DCTN2: variants seen among roughly 807,000 people sequenced by gnomAD.
DCTN2 encodes 50 kDa dynein-associated polypeptide.
In DCTN2, 18 loss-of-function variants were observed where a neutral mutation model predicts 55.4. The observed-to-expected ratio is 0.32, with a 90% CI of 0.22 to 0.48. The LOEUF (loss-of-function observed/expected upper bound fraction) is 0.48, where lower values mean the gene tolerates loss of function less well. DCTN2 is among the 20% of genes least tolerant of loss of function. The pLI, the probability that DCTN2 is intolerant of heterozygous loss-of-function variation, is 0.99. For missense variants in DCTN2, 390 were observed against 491.0 expected, an observed-to-expected ratio of 0.79 and a Z score of 1.94; for synonymous variants, 168 against 185.2, an observed-to-expected ratio of 0.91 and a Z score of 0.76.
At position 57,540,290 on chromosome 12, in the gene DCTN2, T is replaced by A. The variant is rs554021251; in HGVS notation, c.106-4445A>T. ...GGGCCATAAGCTCAATTTCAAACCA[T>A]GCGGATTGGGCAGAATAGGGAGGAC... On this transcript the variant is annotated intron_variant, in intron 2 of 13. Transcript: ENST00000548249. Among the ~76,000 whole-genome samples the A allele has an allele frequency of 2.0e-5, 3 of 152,202 alleles. No individual in the cohort carries two copies. In the East Asian group the frequency reaches 5.8e-4, roughly 29 times the overall value.
intron 11 of DCTN2, 87 bp downstream of exon 11, chr12:57,532,485 G>C: frequency 6.9e-7 from 1 of 1,454,642 alleles, no homozygotes; most frequent in Non-Finnish European, 9.7e-7. Context: ...ATGGGGACCT[G>C]AGGAGTCAGT....
intron 2 of DCTN2, chr12:57,540,171 A>G: frequency 1.0e-6 from 1 of 965,892 alleles, no homozygotes; most frequent in Non-Finnish European, 1.2e-6. Flanking sequence ...ACATGCAAAC[A>G]CAAAGGAGAA....
intron 2 of DCTN2, chr12:57,540,029 G>A (rs967157636): frequency 1.1e-6 from 1 of 941,192 alleles, no homozygotes; most frequent in East Asian, 1.2e-4. Flanking sequence ...TCCAGCCTGG[G>A]TGACAGAGTG....
intron 2 of DCTN2, chr12:57,538,446 C>A (rs185610271): frequency 5.4e-6 from 4 of 738,128 alleles, no homozygotes; most frequent in Admixed American, 1.8e-5. Flanking sequence ...TTAGTAGAGT[C>A]TAAAGGACAG....
intron 2 of DCTN2, among the ~76,000 whole-genome samples, chr12:57,545,325 T>C (rs901790239): frequency 4.6e-5 from 7 of 152,216 alleles, no homozygotes; most frequent in African/African-American, 1.7e-4. Flanking sequence ...GTTTCCTATA[T>C]GTATCCTAAT....
intron 7 of DCTN2, 94 bp downstream of exon 7, chr12:57,533,859 G>A (rs1879978836): frequency 1.5e-6 from 2 of 1,333,636 alleles, no homozygotes; most frequent in East Asian, 2.5e-5. Flanking sequence ...GGAATCAGAA[G>A]CCTTCCCAGC....
intron 2 of DCTN2, among the ~76,000 whole-genome samples, chr12:57,542,520 C>T (rs1231947057): frequency 6.6e-6 from 1 of 152,086 alleles, no homozygotes; most frequent in Non-Finnish European, 1.5e-5. Context: ...TTCCTTTAGA[C>T]AGAAATCTGG....
At position 57,534,369 on chromosome 12, in the gene DCTN2, C is replaced by A. The variant is rs758538075; in HGVS notation, c.447G>T (p.Leu149=). ...AKQLAALKQQ[L]VASHLEKLLG... is the part of the protein sequence containing the mutation. ...GCAGCTTCTCCAGGTGGGAAGCAAC[C>A]AGCTGCTGCTTCAGGGCTGCCAGCT... The change falls in exon 6 of 14, where the codon CTG becomes CTT. Residue 149 remains leucine (L), a synonymous_variant. Transcript: ENST00000548249. 7 of 1,612,904 alleles carry A rather than the reference C, an allele frequency of 4.3e-6. No individual in the cohort carries two copies. In the South Asian group the frequency reaches 7.7e-5, roughly 18 times the overall value.
In DCTN2 at chr12:57,530,402, C is replaced by T. The variant is rs1879549394; in HGVS notation, c.*287G>A. The T allele has an allele frequency of 2.8e-6, 1 of 355,938 alleles. No homozygotes were observed. Among genetic ancestry groups the T allele is most frequent in the South Asian group, 5.8e-5 (1 of 17,272 alleles). The allele number at this position is 355,938 out of a possible 1,614,324, so 22.0% of individuals were successfully genotyped here. A position where few individuals can be genotyped will look rare whatever the true frequency, so the allele number is the denominator to read the frequency against. Reference sequence around the variant, plus strand: ...GTTGGGGGACAAGACCCAATCCTTCCCCACACCAGGCAAAGCAGTATTGGA... The same window carrying T: ...GTTGGGGGACAAGACCCAATCCTTCTCCACACCAGGCAAAGCAGTATTGGA... On this transcript the variant is annotated 3_prime_UTR_variant, in exon 14 of 14. Transcript: ENST00000548249.
chr12:57,535,330 C>T, intron 4 of DCTN2, 154 bp downstream of exon 4: 2 of 1,093,252 alleles, frequency 1.8e-6, no homozygotes, highest in Non-Finnish European at 2.7e-6. Flanking sequence ...GAACAAACAG[C>T]AGTAGGGCAG....
Position 57,530,695 on chromosome 12 carries a change from T to C in DCTN2, c.1200A>G (p.Gly400=). ...ASIDERMKKL[G]K ...CTCCAGCTCCCAAATGTGCTCACTTTCCCAGCTTCTTCATCCGTTCATCAA... is the reference window on the plus strand; with the variant it reads ...CTCCAGCTCCCAAATGTGCTCACTTCCCCAGCTTCTTCATCCGTTCATCAA... Residue 400 remains glycine (G), a synonymous_variant, in exon 14 of 14, where the codon GGA becomes GGG. Transcript: ENST00000548249. 6.2e-7 allele frequency: 1 copy of C among 1,613,812 alleles called. No individual in the cohort carries two copies. Among genetic ancestry groups the C allele is most frequent in the Non-Finnish European group, 8.5e-7 (1 of 1,179,746 alleles).
chr12:57,545,938 T>C, intron 2 of DCTN2, 90 bp downstream of exon 2: 1 of 1,398,500 alleles, frequency 7.2e-7, no homozygotes, highest in Non-Finnish European at 1.0e-6. Flanking sequence ...CATACCCGCT[T>C]ATTGCTGTAG....
intron 2 of DCTN2, among the ~76,000 whole-genome samples, chr12:57,541,058 C>G (rs1369067876): frequency 6.6e-6 from 1 of 152,194 alleles, no homozygotes; most frequent in Admixed American, 6.5e-5. Context: ...TGCCTTCTAA[C>G]TCCAGCCCCT....
intron 2 of DCTN2, among the ~76,000 whole-genome samples, chr12:57,537,824 C>T (rs1353763819): frequency 6.6e-6 from 1 of 152,160 alleles, no homozygotes; most frequent in Non-Finnish European, 1.5e-5. Context: ...ACGGCCAGAA[C>T]ACCCACCCAT....
intron 6 of DCTN2, 80 bp downstream of exon 6, chr12:57,534,212 T>C (rs1213305516): frequency 5.9e-6 from 9 of 1,523,518 alleles, no homozygotes; most frequent in Admixed American, 2.1e-5. Context: ...TCTCTGCCAC[T>C]TAGCACCCCT....
At chr12:57,538,601 A>G (rs1880443122) in intron 2 of DCTN2, 9 of 706,634 alleles carry the variant, frequency 1.3e-5, no homozygotes, top group Admixed American at 2.0e-5. Flanking sequence ...TGAGGGAGGG[A>G]AAAAAAAGAC....
rs1880337317 is a variant in DCTN2, at chr12:57,537,438, C to T, written c.106-1593G>A. ...ATTATTCTGGGGTAGGGCCAGATAT[C>T]CAGGTGATTCTAACCTACAGCCAGG... On this transcript the variant is annotated intron_variant, in intron 2 of 13. Coordinates refer to ENST00000548249, the MANE Select transcript of DCTN2 (RefSeq NM_001261413.2). 2.0e-5 allele frequency among the ~76,000 whole-genome samples: 3 copies of T among 150,684 alleles called. No individual in the cohort carries two copies. The South Asian group carries it at 6.3e-4, about 32-fold the overall frequency.
Position 57,534,097 on chromosome 12 carries a change from C to A in DCTN2, c.525G>T (p.Lys175Asn). ...NLTDPDGALA[K>N]RLLLQLEATK... ...TTGCTTCCAGCTGCAGTAGTAGGCG[C>A]CTAGTTAGGAGACCGAGTAATAATA... is the stretch of plus-strand genomic sequence containing the variant. Residue 175 changes from lysine (K) to asparagine (N), a missense_variant and splice_region_variant, in exon 7 of 14, where the codon AAG becomes AAT. Physicochemically the swap from Lys to Asn is moderately conservative, Grantham distance 94. This residue lies in a region of DCTN2 where 273 missense variants were observed against 303.2 expected (regional missense o/e 0.90). Transcript: ENST00000548249. The A allele has an allele frequency of 6.3e-7, 1 of 1,593,008 alleles. No homozygotes were observed. The highest frequency in any genetic ancestry group is 8.5e-7 in the Non-Finnish European group (1 of 1,169,906).
At chr12:57,538,471 A>C in intron 2 of DCTN2, 1 of 757,598 alleles carries the variant, frequency 1.3e-6, no homozygotes, top group Non-Finnish European at 2.4e-6. Flanking sequence ...ACAACTGCTC[A>C]TCATAGCACA....
Sources: allele counts gnomAD v4.1 joint callset (sites outside exome capture counted in the v4.1 genomes callset), GRCh38; gene constraint gnomAD v4.1.1; regional missense constraint gnomAD v4.1.1; transcripts MANE v1.5; gene names NCBI Gene and HGNC (gene_info 2026-07-23, HGNC 2026-07-21).